The following ENPEP variants were observed in gnomAD, a reference collection of about 807,000 sequenced individuals.
ENPEP encodes AP-A.
Under a neutral mutation model 114.5 loss-of-function variants are expected in ENPEP, and 103 were observed. The ratio of observed to expected loss-of-function variants is 0.90; its 90% CI spans 0.77 to 1.06. ENPEP has a LOEUF of 1.06. Ranked by LOEUF, ENPEP falls within the 50% of genes least tolerant of loss-of-function variation. ENPEP has a pLI of 0.00. For missense variants in ENPEP, 1,196 were observed against 1,161.3 expected (o/e 1.03, Z -0.43); for synonymous variants, 420 against 422.0 (o/e 1.00, Z 0.06).
At chr4:110,517,989 T>TG (rs1352339424) in intron 8 of ENPEP, among the ~76,000 whole-genome samples, 1 of 152,224 alleles carries the variant, frequency 6.6e-6, no homozygotes, top group African/African-American at 2.4e-5. Context: ...AGGCTATGAA[T>TG]GGGAGTTCAA....
At chr4:110,505,165 A>G (rs1485898798) in intron 3 of ENPEP, among the ~76,000 whole-genome samples, 1 of 152,200 alleles carries the variant, frequency 6.6e-6, no homozygotes, top group African/African-American at 2.4e-5. Context: ...ACTCTGTTCA[A>G]TGGCCAAAAA....
chr4:110,516,591 T>G (rs1322824731), intron 8 of ENPEP, among the ~76,000 whole-genome samples: 5 of 152,156 alleles, frequency 3.3e-5, no homozygotes, highest in African/African-American at 1.2e-4. Context: ...TTCTTCTGTA[T>G]GTGATTCCCC....
chr4:110,506,340 A>AT, intron 3 of ENPEP: 1 of 255,812 alleles, frequency 3.9e-6, no homozygotes, highest in Non-Finnish European at 7.3e-6. Flanking sequence ...AATTAATAAC[A>AT]TTTTTCAAAT....
intron 10 of ENPEP, among the ~76,000 whole-genome samples, chr4:110,523,213 T>C (rs1313735913): frequency 1.3e-5 from 2 of 152,130 alleles, no homozygotes; most frequent in Non-Finnish European, 2.9e-5. Context: ...TCAAAGACTA[T>C]ATATAAAAAT....
chr4:110,509,226 T>C (rs1725484148), intron 4 of ENPEP, among the ~76,000 whole-genome samples: 1 of 152,248 alleles, frequency 6.6e-6, no homozygotes, highest in South Asian at 2.1e-4. Context: ...AAATGGAGTT[T>C]TATATTCTTG....
intron 18 of ENPEP, among the ~76,000 whole-genome samples, chr4:110,556,412 G>A (rs188921105): frequency 6.6e-6 from 1 of 151,904 alleles, no homozygotes; most frequent in African/African-American, 2.4e-5. Flanking sequence ...CTATATTGTG[G>A]GTGTCTTTTC....
In ENPEP at chr4:110,476,720, C is replaced by T. The variant is rs780959439; in HGVS notation, c.306C>T (p.Tyr102=). 1.4e-5 allele frequency: 22 copies of T among 1,613,874 alleles called. No individual in the cohort carries two copies. Among genetic ancestry groups the T allele is most frequent in the South Asian group, 2.2e-5 (2 of 91,068 alleles). ...RLPDFVNPVH[Y]DLHVKPLLEE... ...CGGACTTCGTCAACCCAGTCCACTA[C>T]GACCTGCACGTGAAGCCCCTGTTGG... is the stretch of plus-strand genomic sequence containing the variant. Residue 102 remains tyrosine, a synonymous_variant, in exon 1 of 20, where the codon TAC becomes TAT. Transcript: ENST00000265162.
chr4:110,476,690 A>G lies in ENPEP; in HGVS notation c.276A>G (p.Arg92=), dbSNP rs759923217. 6.2e-7 allele frequency: 1 copy of G among 1,613,736 alleles called. No homozygotes were observed. Among genetic ancestry groups the G allele is most frequent in the South Asian group, 1.1e-5 (1 of 91,052 alleles). The change falls in exon 1 of 20, where the codon CGA becomes CGG. Residue 92 remains arginine, a synonymous_variant. Transcript: ENST00000265162. ...EDESGQWKNF[R]LPDFVNPVHY... ...AGAGCGGACAGTGGAAAAACTTTCGACTGCCGGACTTCGTCAACCCAGTCC... is the reference window on the plus strand; with the variant it reads ...AGAGCGGACAGTGGAAAAACTTTCGGCTGCCGGACTTCGTCAACCCAGTCC...
intron 10 of ENPEP, among the ~76,000 whole-genome samples, chr4:110,524,855 C>G (rs1726136757): frequency 6.6e-6 from 1 of 152,144 alleles, no homozygotes; most frequent in Non-Finnish European, 1.5e-5. Flanking sequence ...ATCTCCTGAG[C>G]TCAAGTGATT....
At position 110,525,534 on chromosome 4, in the gene ENPEP, G is replaced by T. The variant is rs543695007; in HGVS notation, c.1727+5168G>T. 9.9e-4 allele frequency among the ~76,000 whole-genome samples: 150 copies of T among 152,196 alleles called. 2 individuals are homozygous for T. The highest frequency in any genetic ancestry group is 2.9e-4 in the Non-Finnish European group (20 of 68,046). On this transcript the variant is annotated intron_variant, in intron 10 of 19. Coordinates refer to ENST00000265162, the MANE Select transcript of ENPEP (RefSeq NM_001977.4). Reference sequence around the variant, plus strand: ...TCCACTGCCTGATTGTCACTGAAGAGACACTTTGTCTTCTTTTTCTCCTTA... The same window carrying T: ...TCCACTGCCTGATTGTCACTGAAGATACACTTTGTCTTCTTTTTCTCCTTA...
chr4:110,497,065 G>A (rs992592621), intron 3 of ENPEP, among the ~76,000 whole-genome samples: 3 of 152,210 alleles, frequency 2.0e-5, no homozygotes, highest in African/African-American at 7.2e-5. Flanking sequence ...TATTTAGGGA[G>A]TGATAATTAA....
intron 5 of ENPEP, 93 bp from the exon 6 acceptor site, chr4:110,510,152 A>G: frequency 9.6e-7 from 1 of 1,041,896 alleles, no homozygotes; most frequent in Non-Finnish European, 1.5e-6. Context: ...CAGTGACAAC[A>G]TTGGCACGGA....
At chr4:110,548,146 T>TG in intron 13 of ENPEP, 30 bp from the exon 14 acceptor site, 10 of 910,466 alleles carry the variant, frequency 1.1e-5, no homozygotes, top group Non-Finnish European at 1.4e-5. Flanking sequence ...TGAGTTTTTT[T>TG]TTTTTTTTTT....
intron 10 of ENPEP, among the ~76,000 whole-genome samples, chr4:110,522,629 CA>C (rs1476886160): frequency 6.6e-6 from 1 of 152,174 alleles, no homozygotes; most frequent in Non-Finnish European, 1.5e-5. Flanking sequence ...TACGTAGATA[CA>C]CCCTCACAAA....
chr4:110,481,409 A>G (rs1724307667), intron 1 of ENPEP, among the ~76,000 whole-genome samples: 2 of 152,070 alleles, frequency 1.3e-5, no homozygotes, highest in Admixed American at 6.6e-5. Context: ...AATGTCCTCT[A>G]TGTAGTTTCC....
rs920355335 is a variant in ENPEP at position 110,564,831 on chromosome 4, T to C, written c.*3273T>C. The C allele has an allele frequency of 6.6e-6, 1 of 152,196 alleles. No individual in the cohort carries two copies. The highest frequency in any genetic ancestry group is 6.5e-5 in the Admixed American group (1 of 15,276). The allele number at this position is 152,196 out of a possible 1,614,324, so 9.4% of individuals were successfully genotyped here. On this transcript the variant is annotated 3_prime_UTR_variant, in exon 20 of 20. Transcript: ENST00000265162. Reference sequence around the variant, plus strand: ...TCCAGAGCCAGCACTTGGTTTGCCATGTTCTCCGTGTTTCTTCTGCTCCTA... The same window carrying C: ...TCCAGAGCCAGCACTTGGTTTGCCACGTTCTCCGTGTTTCTTCTGCTCCTA...
chr4:110,498,464 T>C (rs528474475), intron 3 of ENPEP, among the ~76,000 whole-genome samples: 1 of 152,210 alleles, frequency 6.6e-6, no homozygotes, highest in Admixed American at 6.5e-5. Context: ...TCTATAAATA[T>C]ATATATAATA....
chr4:110,564,145 A>G lies in ENPEP; in HGVS notation c.*2587A>G, dbSNP rs1423798322. 6.6e-6 allele frequency: 1 copy of G among 152,118 alleles called. No homozygotes were observed. Among genetic ancestry groups the G allele is most frequent in the African/African-American group, 2.4e-5 (1 of 41,436 alleles). 9.4% of individuals were successfully genotyped at this position (152,118 alleles called of 1,614,324 possible). ...TATAAACACTAGCACTCCACATAAC[A>G]TTAATTTTTACAAAACCCCCTTAAA... On this transcript the variant is annotated 3_prime_UTR_variant, in exon 20 of 20. Transcript: ENST00000265162.
intron 3 of ENPEP, among the ~76,000 whole-genome samples, chr4:110,491,932 C>A (rs1382874602): frequency 6.7e-6 from 1 of 149,946 alleles, no homozygotes; most frequent in Non-Finnish European, 1.5e-5. Flanking sequence ...TATTGGCCAG[C>A]CTTGTCTCTA....
Sources: gnomAD v4.1 joint callset for allele counts (sites outside exome capture counted in the v4.1 genomes callset) on GRCh38, gnomAD v4.1.1 for gene constraint, MANE v1.5 for transcripts, NCBI Gene and HGNC (gene_info 2026-07-23, HGNC 2026-07-21) for gene names.